CAMSAP1: variants seen among roughly 807,000 people sequenced by gnomAD.
The protein encoded by CAMSAP1 is calmodulin regulated spectrin associated protein 1.
A neutral mutation model predicts 143.5 loss-of-function variants in CAMSAP1; 58 were observed. The observed-to-expected ratio is 0.40, with a 90% CI of 0.33 to 0.50. The LOEUF (loss-of-function observed/expected upper bound fraction) is 0.50. CAMSAP1 is among the 20% of genes least tolerant of loss of function. The pLI, the probability that CAMSAP1 is intolerant of heterozygous loss-of-function variation, is 0.45. For synonymous variants in CAMSAP1, 945 were observed against 859.3 expected (o/e 1.10, Z -1.74); for missense variants, 1,969 against 2,115.7 (o/e 0.93, Z 1.36).
Position 135,822,286 on chromosome 9 carries a change from G to A in CAMSAP1, c.2375C>T (p.Ser792Leu), listed in dbSNP as rs1241007468. 1.4e-5 allele frequency: 23 copies of A among 1,613,958 alleles called. No homozygotes were observed. Among genetic ancestry groups the A allele is most frequent in the Non-Finnish European group, 1.9e-5 (22 of 1,179,894 alleles). ...HEDKDDASGRSSPCLSTASQM... is the reference protein window; with the variant it reads ...HEDKDDASGRLSPCLSTASQM... ...AGAGGCTGTGCTCAGGCAGGGGCTC[G>A]AGCGGCCGCTGGCGTCATCTTTGTC... Residue 792 changes from serine (S) to leucine (L), a missense_variant, in exon 11 of 17, where the codon TCG (serine) becomes TTG (leucine). Coordinates refer to ENST00000389532, the MANE Select transcript of CAMSAP1 (RefSeq NM_015447.4). The surrounding 1 kb of genome is among the most constrained non-coding windows in gnomAD (Gnocchi z 6.1).
At position 135,822,327 on chromosome 9, in the gene CAMSAP1, C is replaced by T; in HGVS notation, c.2334G>A (p.Lys778=). The change falls in exon 11 of 17, where the codon AAG becomes AAA. Residue 778 remains lysine, a synonymous_variant. Transcript: ENST00000389532. The surrounding 1 kb of genome is among the most constrained non-coding windows in gnomAD (Gnocchi z 6.1). The stretch of plus-strand genomic sequence containing the variant: ...CATCTTTGTCTTCATGTTCCTTCAC[C>T]TTCATGTCCTCCTGCAGTTTGGCCG... The part of the protein sequence containing the change: ...EESAKLQEDM[K]VKEHEDKDDA... The T allele has an allele frequency of 6.2e-7, 1 of 1,614,054 alleles. No individual in the cohort carries two copies. The highest frequency in any genetic ancestry group is 1.1e-5 in the South Asian group (1 of 91,090).
intron 7 of CAMSAP1, among the ~76,000 whole-genome samples, chr9:135,829,840 G>A (rs1057247716): frequency 2.8e-5 from 4 of 144,278 alleles, no homozygotes; most frequent in Admixed American, 7.2e-5. Context: ...GCGACAGAGC[G>A]AGACTCTGTC....
At chr9:135,905,243 A>G (rs1418203039) in intron 1 of CAMSAP1, among the ~76,000 whole-genome samples, 1 of 152,256 alleles carries the variant, frequency 6.6e-6, no homozygotes. Flanking sequence ...GACGAACCCA[A>G]TACTAACACA....
chr9:135,872,073 C>G (rs1182730078), intron 3 of CAMSAP1, among the ~76,000 whole-genome samples: 1 of 151,768 alleles, frequency 6.6e-6, no homozygotes, highest in Non-Finnish European at 1.5e-5. Flanking sequence ...GCACTCCAAC[C>G]TGGGTAACAA....
In CAMSAP1 at chr9:135,808,791, C is replaced by T. The variant is rs1007688481; in HGVS notation, c.*2518G>A. On this transcript the variant is annotated 3_prime_UTR_variant, in exon 17 of 17. Transcript: ENST00000389532. ...TACATGCGTAAAATAATGGGACTCA[C>T]GCAAGTTTCATTTCTCTTTCAACCC... 8 of 152,240 alleles carry T rather than the reference C, an allele frequency of 5.3e-5. No homozygotes were observed. Among genetic ancestry groups the T allele is most frequent in the African/African-American group, 1.9e-4 (8 of 41,456 alleles). 9.4% of individuals were successfully genotyped at this position (152,240 alleles called of 1,614,324 possible). A position where few individuals can be genotyped will look rare whatever the true frequency, so the allele number is the denominator to read the frequency against.
intron 16 of CAMSAP1, among the ~76,000 whole-genome samples, chr9:135,814,142 T>C (rs186184419): frequency 1.3e-5 from 2 of 152,326 alleles, no homozygotes; most frequent in Non-Finnish European, 1.5e-5. Flanking sequence ...AGGAAGGGCA[T>C]GACCATGGCC....
At chr9:135,838,639 G>C (rs13297100) in intron 7 of CAMSAP1, among the ~76,000 whole-genome samples, 2 of 114,164 alleles carry the variant, frequency 1.8e-5, no homozygotes, top group African/African-American at 6.9e-5. Context: ...CTTTCCACCC[G>C]TTCTACAGAC....
chr9:135,836,413 G>A lies in CAMSAP1; in HGVS notation c.1046-8829C>T, dbSNP rs983611277. ...CACGTTACCACGCTTTTTCTACTCCGTTCTACAGACACGTCACCACACACT... is the reference window on the plus strand; with the variant it reads ...CACGTTACCACGCTTTTTCTACTCCATTCTACAGACACGTCACCACACACT... On this transcript the variant is annotated intron_variant, in intron 7 of 16. Coordinates refer to ENST00000389532, the MANE Select transcript of CAMSAP1 (RefSeq NM_015447.4). 3.2e-4 allele frequency: 315 copies of A among 980,088 alleles called. 7 individuals carry two copies. The Admixed American group carries it at 0.011, about 35-fold the overall frequency. 60.7% of individuals were successfully genotyped at this position (980,088 alleles called of 1,614,324 possible).
At chr9:135,836,890 T>A in intron 7 of CAMSAP1, 3 of 981,846 alleles carry the variant, frequency 3.1e-6, no homozygotes, top group Non-Finnish European at 3.6e-6. Context: ...GTCACCACAC[T>A]TGCTACCCAT....
chr9:135,832,651 T>C (rs966812337), intron 7 of CAMSAP1, among the ~76,000 whole-genome samples: 2 of 152,154 alleles, frequency 1.3e-5, no homozygotes, highest in African/African-American at 4.8e-5. Context: ...AAAGGCTCCA[T>C]AAAATAAGTG....
chr9:135,817,732 T>TA, intron 14 of CAMSAP1: 3 of 471,594 alleles, frequency 6.4e-6, no homozygotes, highest in South Asian at 2.3e-5. Context: ...GAAGCAGGTG[T>TA]GCACGTGTGG....
At chr9:135,869,937 T>A (rs1327067629) in intron 3 of CAMSAP1, among the ~76,000 whole-genome samples, 3 of 152,124 alleles carry the variant, frequency 2.0e-5, no homozygotes, top group Admixed American at 6.5e-5. Context: ...GAAGATCACA[T>A]ACTGTATGAT....
chr9:135,822,708 G>C lies in CAMSAP1; in HGVS notation c.1953C>G (p.Thr651=). The change falls in exon 11 of 17, where the codon ACC becomes ACG. Residue 651 remains threonine, a synonymous_variant. Coordinates refer to ENST00000389532, the MANE Select transcript of CAMSAP1 (RefSeq NM_015447.4). This position sits in a 1 kb window ranked among gnomAD's most constrained non-coding sequence, Gnocchi z 6.1. ...TGSRDLNRTF[T]PIPCSEFPMG... ...TGGGGAATTCTGAGCATGGAATCGG[G>C]GTAAAAGTCCTATTCAAGTCGCGAC... 6.2e-7 allele frequency: 1 copy of C among 1,611,652 alleles called. No homozygotes were observed. The highest frequency in any genetic ancestry group is 8.5e-7 in the Non-Finnish European group (1 of 1,178,680).
intron 7 of CAMSAP1, among the ~76,000 whole-genome samples, chr9:135,833,452 T>C (rs765733791): frequency 2.6e-5 from 4 of 152,156 alleles, no homozygotes; most frequent in Non-Finnish European, 4.4e-5. Flanking sequence ...TACAAAGCTA[T>C]AGTAAAACAC....
In CAMSAP1 at chr9:135,862,835, C is replaced by G. The variant is rs1044018840; in HGVS notation, c.667-227G>C. Among the ~76,000 whole-genome samples, 4 of 152,152 alleles carry G rather than the reference C, an allele frequency of 2.6e-5. No individual in the cohort carries two copies. The East Asian group carries it at 7.7e-4, about 29-fold the overall frequency. On this transcript the variant is annotated intron_variant, in intron 4 of 16. Coordinates refer to ENST00000389532, the MANE Select transcript of CAMSAP1 (RefSeq NM_015447.4). The stretch of plus-strand genomic sequence containing the variant: ...GCTTCATGGCTACACTGGGTAACAG[C>G]AACTACTTGCTAGCAATACCAGAGC...
In CAMSAP1 at chr9:135,808,772, C is replaced by T. The variant is rs767711549; in HGVS notation, c.*2537G>A. 1 of 152,202 alleles carries T rather than the reference C, an allele frequency of 6.6e-6. No individual in the cohort carries two copies. The highest frequency in any genetic ancestry group is 6.5e-5 in the Admixed American group (1 of 15,278). The allele number at this position is 152,202 out of a possible 1,614,324, so 9.4% of individuals were successfully genotyped here. ...GGTAGAACGTATCTGCACATACATG[C>T]GTAAAATAATGGGACTCACGCAAGT... On this transcript the variant is annotated 3_prime_UTR_variant, in exon 17 of 17. Coordinates refer to ENST00000389532, the MANE Select transcript of CAMSAP1 (RefSeq NM_015447.4).
intron 3 of CAMSAP1, among the ~76,000 whole-genome samples, chr9:135,881,189 A>G (rs1837934210): frequency 6.6e-6 from 1 of 151,830 alleles, no homozygotes; most frequent in Non-Finnish European, 1.5e-5. Context: ...CTAAAAATTA[A>G]AAAAAATAAA....
intron 7 of CAMSAP1, among the ~76,000 whole-genome samples, chr9:135,839,968 T>C (rs1407918824): frequency 6.6e-6 from 1 of 152,070 alleles, no homozygotes; most frequent in African/African-American, 2.4e-5. Context: ...CAGCCAGAGG[T>C]AGGCAGGTAT....
chr9:135,815,848 G>T, intron 15 of CAMSAP1, 42 bp downstream of exon 15: 1 of 1,518,090 alleles, frequency 6.6e-7, no homozygotes, highest in Non-Finnish European at 9.1e-7. Context: ...AAGGCGTATG[G>T]CCATGCCCAC....
Sources: gnomAD v4.1 joint callset for allele counts (sites outside exome capture counted in the v4.1 genomes callset) on GRCh38, gnomAD v4.1.1 for gene constraint, Gnocchi (gnomAD v3.1) non-coding constraint, MANE v1.5 for transcripts, NCBI Gene and HGNC (gene_info 2026-07-23, HGNC 2026-07-21) for gene names.